The following HS3ST1 variants were observed in gnomAD, a reference collection of about 807,000 sequenced individuals.
The protein encoded by HS3ST1 is heparan sulfate glucosamine 3-O-sulfotransferase 1.
A neutral mutation model predicts 20.7 loss-of-function variants in HS3ST1; 8 were observed. The observed-to-expected ratio is 0.39, with a 90% CI of 0.23 to 0.70. The LOEUF is 0.70. HS3ST1 is among the 30% of genes least tolerant of loss of function. The pLI is 0.46. For missense variants in HS3ST1, 436 were observed against 423.4 expected (o/e 1.03, Z -0.26); for synonymous variants, 205 against 190.4 (o/e 1.08, Z -0.63).
chr4:11,408,394 C>G (rs1446597019), intron 1 of HS3ST1, among the ~76,000 whole-genome samples: 1 of 152,074 alleles, frequency 6.6e-6, no homozygotes, highest in Non-Finnish European at 1.5e-5. Context: ...GATAATTAGT[C>G]AAACACATTT....
At chr4:11,431,286 T>G (rs2108895038), upstream of HS3ST1, among the ~76,000 whole-genome samples, 2 of 151,596 alleles carry the variant, frequency 1.3e-5, no homozygotes, top group Middle Eastern at 6.8e-3. Flanking sequence ...GAGTCAGGGT[T>G]TAAGTCAAAC....
At chr4:11,404,133 ATTCTGGG>A (rs1718400814) in intron 1 of HS3ST1, among the ~76,000 whole-genome samples, 2 of 152,118 alleles carry the variant, frequency 1.3e-5, no homozygotes, top group Admixed American at 1.3e-4. Context: ...TGACCTCTGC[ATTCTGGG>A]TTCAAGTAGT....
At position 11,410,894 on chromosome 4, in the gene HS3ST1, A is replaced by AAAAT. The variant is rs10564680; in HGVS notation, c.-108-10785_-108-10782dup. ...GCAACAGAGCGAGACTCCATCTCAA[A>AAAAT]AAATAAATAAATAAATAAATAAATA... On this transcript the variant is annotated intron_variant, in intron 1 of 1. Transcript: ENST00000002596. Among the ~76,000 whole-genome samples, 394 of 149,892 alleles carry AAAAT rather than the reference A, an allele frequency of 2.6e-3. 4 individuals are homozygous for AAAAT. Among genetic ancestry groups the AAAAT allele is most frequent in the African/African-American group, 8.6e-3 (350 of 40,632 alleles).
chr4:11,428,074 A>G (rs1158701608), intron 1 of HS3ST1, among the ~76,000 whole-genome samples: 4 of 152,070 alleles, frequency 2.6e-5, no homozygotes, highest in Non-Finnish European at 4.4e-5. Flanking sequence ...ACGAAGGGGG[A>G]AAAAAATCAG....
chr4:11,400,222 C>G, intron 1 of HS3ST1, 109 bp from the exon 2 acceptor site: 1 of 918,986 alleles, frequency 1.1e-6, no homozygotes, highest in South Asian at 2.7e-5. Context: ...CCCCAGGACT[C>G]TCAGTTTCTT....
intron 1 of HS3ST1, among the ~76,000 whole-genome samples, chr4:11,415,638 A>G (rs1353831016): frequency 6.6e-6 from 1 of 152,252 alleles, no homozygotes; most frequent in Non-Finnish European, 1.5e-5. Flanking sequence ...AAGCAGAAAA[A>G]TGCTGCTCTA....
intron 1 of HS3ST1, among the ~76,000 whole-genome samples, chr4:11,415,897 CAG>C (rs1338288552): frequency 6.6e-6 from 1 of 152,142 alleles, no homozygotes; most frequent in Non-Finnish European, 1.5e-5. Flanking sequence ...AATGACAATG[CAG>C]AGAGAGTGCT....
chr4:11,411,807 A>G (rs2108885349), intron 1 of HS3ST1, among the ~76,000 whole-genome samples: 1 of 152,356 alleles, frequency 6.6e-6, no homozygotes, highest in Middle Eastern at 3.4e-3. Flanking sequence ...TTCAGGAATC[A>G]TCAAGATGAA....
chr4:11,404,802 G>C (rs1010318917), intron 1 of HS3ST1, among the ~76,000 whole-genome samples: 1 of 152,248 alleles, frequency 6.6e-6, no homozygotes. Context: ...AGCAATGATT[G>C]CAGCTCCCAT....
intron 1 of HS3ST1, among the ~76,000 whole-genome samples, chr4:11,420,791 C>T (rs1478914890): frequency 6.6e-6 from 1 of 152,182 alleles, no homozygotes; most frequent in Admixed American, 6.5e-5. Flanking sequence ...TGTTGCTTAG[C>T]TCACCAAAGA....
Position 11,398,965 on chromosome 4 carries a change from T to C in HS3ST1, c.*117A>G. ...TTGTGAATCTAATACTGTACAGAAG[T>C]ACTTTATGGATTTTACAAATAAATT... On this transcript the variant is annotated 3_prime_UTR_variant, in exon 2 of 2. Transcript: ENST00000002596. 1.1e-6 allele frequency: 1 copy of C among 891,608 alleles called. No homozygotes were observed. The highest frequency in any genetic ancestry group is 2.5e-5 in the East Asian group (1 of 39,576). 55.2% of individuals were successfully genotyped at this position (891,608 alleles called of 1,614,324 possible).
chr4:11,431,570 G>A (rs1163576051), upstream of HS3ST1, among the ~76,000 whole-genome samples: 3 of 152,122 alleles, frequency 2.0e-5, no homozygotes, highest in Admixed American at 2.0e-4. Flanking sequence ...TGCCCTAAGA[G>A]AGCATAAAAT....
intron 1 of HS3ST1, among the ~76,000 whole-genome samples, chr4:11,403,072 A>G (rs1484611661): frequency 6.6e-6 from 1 of 152,260 alleles, no homozygotes; most frequent in Non-Finnish European, 1.5e-5. Context: ...ATATACACAT[A>G]TGCAAGTATA....
At chr4:11,418,474 T>C (rs999832879) in intron 1 of HS3ST1, among the ~76,000 whole-genome samples, 10 of 152,200 alleles carry the variant, frequency 6.6e-5, no homozygotes, top group African/African-American at 2.4e-4. Context: ...GCAAAGTCAT[T>C]TCCCTGTCAT....
intron 1 of HS3ST1, among the ~76,000 whole-genome samples, chr4:11,404,743 A>T (rs1408163524): frequency 6.6e-6 from 1 of 152,204 alleles, no homozygotes; most frequent in African/African-American, 2.4e-5. Flanking sequence ...GTGGGCATGG[A>T]TACAGAATTC....
intron 1 of HS3ST1, among the ~76,000 whole-genome samples, chr4:11,402,842 T>C (rs1007812755): frequency 1.3e-5 from 2 of 152,222 alleles, no homozygotes; most frequent in African/African-American, 4.8e-5. Context: ...ACATCTGAGG[T>C]TTCTTTCCTG....
chr4:11,417,787 G>T (rs1577445921), intron 1 of HS3ST1, among the ~76,000 whole-genome samples: 1 of 152,166 alleles, frequency 6.6e-6, no homozygotes, highest in South Asian at 2.1e-4. Flanking sequence ...AAGCCAGAAA[G>T]ATATCAGATT....
At chr4:11,424,881 C>T (rs1361500710) in intron 1 of HS3ST1, among the ~76,000 whole-genome samples, 5 of 149,986 alleles carry the variant, frequency 3.3e-5, no homozygotes, top group Admixed American at 3.3e-4. Context: ...AAAAATCCTT[C>T]TATGAAGGGA....
chr4:11,412,342 A>G (rs965045493), intron 1 of HS3ST1, among the ~76,000 whole-genome samples: 2 of 152,188 alleles, frequency 1.3e-5, no homozygotes, highest in African/African-American at 2.4e-5. Context: ...TATAAGATCA[A>G]TCTAAAACAT....
Sources: gnomAD v4.1 joint callset for allele counts (sites outside exome capture counted in the v4.1 genomes callset) on GRCh38, gnomAD v4.1.1 for gene constraint, MANE v1.5 for transcripts, NCBI Gene and HGNC (gene_info 2026-07-23, HGNC 2026-07-21) for gene names.